The following CNTNAP3B variants were observed in gnomAD, a reference collection of about 807,000 sequenced individuals.
CNTNAP3B encodes contactin associated protein family member 3B, also known as contactin-associated protein-like 3B.
Under a neutral mutation model 108.9 loss-of-function variants are expected in CNTNAP3B, and 25 were observed. That is an observed-to-expected ratio of 0.23 (90% CI 0.17 to 0.32). CNTNAP3B has a LOEUF of 0.32. Among genes scored for constraint, CNTNAP3B ranks in the 10% least tolerant of loss-of-function variants. CNTNAP3B has a pLI of 1.00. For missense variants in CNTNAP3B, 252 were observed against 1,210.4 expected, an observed-to-expected ratio of 0.21 and a Z score of 11.75; for synonymous variants, 103 against 473.4, an observed-to-expected ratio of 0.22 and a Z score of 10.16.
rs1395030941 is a variant in CNTNAP3B, at chr9:41,970,073, C to A, written c.1649+1G>T. The A allele has an allele frequency of 1.7e-6, 2 of 1,157,298 alleles. No homozygotes were observed. The highest frequency in any genetic ancestry group is 2.3e-6 in the Non-Finnish European group (2 of 877,906). 71.7% of individuals were successfully genotyped at this position (1,157,298 alleles called of 1,614,324 possible). ...CTAAAGTGACCTAGGATGGCCCTTA[C>A]CTGTCTGTGATGCCGCAGGAGTCTA... On this transcript the variant is annotated splice_donor_variant, in intron 10 of 23. Coordinates refer to ENST00000377561, the MANE Select transcript of CNTNAP3B (RefSeq NM_001201380.3). LOFTEE classifies it high-confidence loss of function.
chr9:41,962,174 TAC>T (rs1825118670), intron 11 of CNTNAP3B, among the ~76,000 whole-genome samples: 1 of 152,170 alleles, frequency 6.6e-6, no homozygotes, highest in African/African-American at 2.4e-5. Context: ...ATGAGTTATA[TAC>T]AATTAATAAT....
intron 1 of CNTNAP3B, among the ~76,000 whole-genome samples, chr9:42,116,787 T>G (rs1828328982): frequency 7.2e-6 from 1 of 138,486 alleles, no homozygotes; most frequent in Non-Finnish European, 1.5e-5. Flanking sequence ...CCTGCTCACG[T>G]GCAGAGACAC....
At chr9:41,931,255 C>A (rs1245748833) in intron 14 of CNTNAP3B, among the ~76,000 whole-genome samples, 3 of 152,266 alleles carry the variant, frequency 2.0e-5, no homozygotes, top group African/African-American at 7.2e-5. Flanking sequence ...TACTAGAATA[C>A]AATGCATAAT....
chr9:42,085,259 A>T (rs1827679858), intron 2 of CNTNAP3B, among the ~76,000 whole-genome samples: 1 of 151,808 alleles, frequency 6.6e-6, no homozygotes, highest in Non-Finnish European at 1.5e-5. Flanking sequence ...ATTACAGTAC[A>T]ATATCAAAAC....
chr9:42,076,329 T>C (rs1827488900), intron 3 of CNTNAP3B, among the ~76,000 whole-genome samples: 1 of 128,110 alleles, frequency 7.8e-6, no homozygotes, highest in South Asian at 2.5e-4. Context: ...AGGAGGCTGA[T>C]GCAGAAGAAT....
At chr9:41,934,100 C>T (rs865814372) in intron 14 of CNTNAP3B, among the ~76,000 whole-genome samples, 11 of 90,202 alleles carry the variant, frequency 1.2e-4, no homozygotes, top group South Asian at 3.8e-4. Context: ...ATATTTGTTA[C>T]ATATATATAT....
intron 1 of CNTNAP3B, among the ~76,000 whole-genome samples, chr9:42,116,494 G>A (rs1433443278): frequency 1.5e-5 from 2 of 133,332 alleles, no homozygotes; most frequent in East Asian, 2.2e-4. Context: ...GTCACCACCA[G>A]GCCTGCCTTA....
At chr9:41,931,536 C>G (rs888020830) in intron 14 of CNTNAP3B, among the ~76,000 whole-genome samples, 593 of 152,138 alleles carry the variant, frequency 3.9e-3, no homozygotes, top group African/African-American at 0.014. Context: ...AGATTATTCC[C>G]TGAAAAAATA....
intron 2 of CNTNAP3B, among the ~76,000 whole-genome samples, chr9:42,094,327 C>A (rs1315361296): frequency 7.8e-6 from 1 of 128,982 alleles, no homozygotes; most frequent in Non-Finnish European, 1.6e-5. Flanking sequence ...AATGGTTTTA[C>A]ATTTGTAAAG....
chr9:42,067,983 A>G (rs1365807638), intron 3 of CNTNAP3B, among the ~76,000 whole-genome samples: 1 of 138,102 alleles, frequency 7.2e-6, no homozygotes, highest in Non-Finnish European at 1.5e-5. Context: ...GAGATAATTT[A>G]TCACTATAGC....
chr9:41,977,340 C>T (rs1376056733), intron 9 of CNTNAP3B, among the ~76,000 whole-genome samples: 1 of 149,410 alleles, frequency 6.7e-6, no homozygotes, highest in South Asian at 2.1e-4. Flanking sequence ...CCTTTTAGTG[C>T]TTCCTAAATA....
chr9:41,917,135 C>G (rs1248403690), intron 18 of CNTNAP3B, among the ~76,000 whole-genome samples: 4 of 152,026 alleles, frequency 2.6e-5, no homozygotes, highest in Non-Finnish European at 1.5e-5. Context: ...GATCCTTTCT[C>G]TCTCTCCTGG....
At chr9:42,030,813 G>GAGGAGAGAGA (rs1156882673) in intron 3 of CNTNAP3B, among the ~76,000 whole-genome samples, 6 of 65,772 alleles carry the variant, frequency 9.1e-5, no homozygotes, top group East Asian at 5.0e-4. Flanking sequence ...GAGAGAGAGA[G>GAGGAGAGAGA]GAGAGAGAGA....
chr9:41,968,637 T>C (rs1445246020), intron 10 of CNTNAP3B, among the ~76,000 whole-genome samples: 2 of 143,322 alleles, frequency 1.4e-5, no homozygotes, highest in Non-Finnish European at 3.0e-5. Context: ...TTTCATTTAG[T>C]AGTAATTGCG....
At chr9:41,935,912 C>A (rs1824142491) in intron 14 of CNTNAP3B, among the ~76,000 whole-genome samples, 1 of 152,416 alleles carries the variant, frequency 6.6e-6, no homozygotes, top group Admixed American at 6.5e-5. Context: ...AGGACCTGCA[C>A]CCACCTCAGT....
rs1400379340 is a variant in CNTNAP3B, at chr9:42,127,203, C to G, written c.85+1807G>C. On this transcript the variant is annotated intron_variant, in intron 1 of 23. Coordinates refer to ENST00000377561, the MANE Select transcript of CNTNAP3B (RefSeq NM_001201380.3). ...AGTAGTATTGAAATTTTACGTGTCA[C>G]TCAGCAACTCGCGAGAGTCCCGTCT... 1.4e-5 allele frequency among the ~76,000 whole-genome samples: 2 copies of G among 138,506 alleles called. 1 individual carries two copies. The highest frequency in any genetic ancestry group is 3.1e-5 in the Non-Finnish European group (2 of 64,840). The allele number at this position is 138,506 out of a possible 152,430, so 90.9% of individuals were successfully genotyped here. A position where few individuals can be genotyped will look rare whatever the true frequency, so the allele number is the denominator to read the frequency against.
rs898664473 is a variant in CNTNAP3B, at chr9:42,125,565, T to A, written c.85+3445A>T. The stretch of plus-strand genomic sequence containing the variant: ...TTTTCTTTTTTCATGATCAAACCAA[T>A]GTCTTGGAATTGATTATCATTTCCA... On this transcript the variant is annotated intron_variant, in intron 1 of 23. Transcript: ENST00000377561. Among the ~76,000 whole-genome samples, 66 of 140,120 alleles carry A rather than the reference T, an allele frequency of 4.7e-4. 10 individuals are homozygous for A. Among genetic ancestry groups the A allele is most frequent in the Admixed American group, 3.5e-4 (5 of 14,168 alleles). 91.9% of individuals were successfully genotyped at this position (140,120 alleles called of 152,430 possible).
intron 14 of CNTNAP3B, among the ~76,000 whole-genome samples, chr9:41,934,122 T>TATATATATATACACAC (rs1214326050): frequency 6.9e-4 from 51 of 73,446 alleles, no homozygotes; most frequent in Non-Finnish European, 9.4e-4. Flanking sequence ...TATATATATA[T>TATATATATATACACAC]ACACACACAT....
At chr9:41,966,191 C>A (rs1205434776) in intron 10 of CNTNAP3B, among the ~76,000 whole-genome samples, 1 of 152,030 alleles carries the variant, frequency 6.6e-6, no homozygotes, top group African/African-American at 2.4e-5. Context: ...TCCTTCTCCC[C>A]CTCCTCCCCT....
Sources: gnomAD v4.1 joint callset for allele counts (sites outside exome capture counted in the v4.1 genomes callset) on GRCh38, gnomAD v4.1.1 for gene constraint, MANE v1.5 for transcripts, NCBI Gene and HGNC (gene_info 2026-07-23, HGNC 2026-07-21) for gene names.